The following SLX4IP variants were observed in gnomAD, a reference collection of about 807,000 sequenced individuals.
SLX4IP encodes the protein protein SLX4IP.
Under a neutral mutation model 32.9 loss-of-function variants are expected in SLX4IP, and 34 were observed. The observed-to-expected ratio is 1.03, with a 90% CI of 0.79 to 1.38. SLX4IP has a LOEUF of 1.38. Ranked by LOEUF, SLX4IP falls within the 40% of genes most tolerant of loss-of-function variation. SLX4IP has a pLI of 0.00. For missense variants in SLX4IP, 444 were observed against 479.0 expected (o/e 0.93, Z 0.68); for synonymous variants, 172 against 171.7 (o/e 1.00, Z -0.01).
intron 2 of SLX4IP, among the ~76,000 whole-genome samples, chr20:10,486,228 T>C (rs1167278641): frequency 1.3e-5 from 2 of 151,536 alleles, no homozygotes; most frequent in East Asian, 3.9e-4. Context: ...TAACACAGTC[T>C]TGCAAAAAAT....
Position 10,556,316 on chromosome 20 carries a change from AAG to A in SLX4IP, c.116_117del (p.Glu39GlyfsTer11). 1 of 1,612,894 alleles carries A rather than the reference AAG, an allele frequency of 6.2e-7. No homozygotes were observed. The highest frequency in any genetic ancestry group is 8.5e-7 in the Non-Finnish European group (1 of 1,179,672). Reference sequence around the variant, plus strand: ...ACAAGCTGGTTTTCTGAACAGAAGAAAGAGGTACAACAAAACTTTCTACTATT... The same window carrying A: ...ACAAGCTGGTTTTCTGAACAGAAGAAAGGTACAACAAAACTTTCTACTATT... On this transcript the variant is annotated frameshift_variant and splice_region_variant, in exon 3 of 8. Coordinates refer to ENST00000334534, the MANE Select transcript of SLX4IP (RefSeq NM_001009608.3). LOFTEE classifies it high-confidence loss of function.
At chr20:10,622,627 A>G in intron 7 of SLX4IP, 32 bp from the exon 8 acceptor site, 1 of 1,571,762 alleles carries the variant, frequency 6.4e-7, no homozygotes, top group Non-Finnish European at 8.6e-7. Flanking sequence ...TGACAGCTTT[A>G]CAAACCATAA....
intron 2 of SLX4IP, among the ~76,000 whole-genome samples, chr20:10,554,335 CTT>C (rs1477719167): frequency 6.6e-6 from 1 of 152,128 alleles, no homozygotes; most frequent in Admixed American, 6.5e-5. Flanking sequence ...AATTTGTTCT[CTT>C]GTTGTAGACT....
rs140940461 is a variant in SLX4IP, at chr20:10,614,102, G to C, written c.406-7212G>C. On this transcript the variant is annotated intron_variant, in intron 6 of 7. Transcript: ENST00000334534. ...CCACCCGGTCCAGGTGTACCTGCAG[G>C]GACACCTTGTGGTAGCCTCGTCGGA... 217 of 1,531,614 alleles carry C rather than the reference G, an allele frequency of 1.4e-4. 1 individual carries two copies. In the African/African-American group the frequency reaches 2.5e-3, roughly 18 times the overall value. 94.9% of individuals were successfully genotyped at this position (1,531,614 alleles called of 1,614,324 possible). A position where few individuals can be genotyped will look rare whatever the true frequency, so the allele number is the denominator to read the frequency against.
intron 2 of SLX4IP, among the ~76,000 whole-genome samples, chr20:10,549,942 A>G (rs1428235987): frequency 3.3e-5 from 5 of 152,226 alleles, no homozygotes; most frequent in Non-Finnish European, 7.3e-5. Flanking sequence ...GAAAATATTT[A>G]ATATGTTTTC....
intron 4 of SLX4IP, among the ~76,000 whole-genome samples, chr20:10,575,754 AT>A (rs543859133): frequency 0.028 from 4,120 of 145,552 alleles, 103 homozygotes; most frequent in Admixed American, 0.093. Flanking sequence ...GTTCCTTTTA[AT>A]TTTTTTTTTT....
intron 1 of SLX4IP, among the ~76,000 whole-genome samples, chr20:10,453,603 A>G (rs926898148): frequency 6.6e-6 from 1 of 152,154 alleles, no homozygotes; most frequent in African/African-American, 2.4e-5. Context: ...CCTGAAGTTT[A>G]AATCCAGTTT....
intron 2 of SLX4IP, among the ~76,000 whole-genome samples, chr20:10,470,328 A>G (rs1349652816): frequency 6.6e-6 from 1 of 152,220 alleles, no homozygotes; most frequent in Non-Finnish European, 1.5e-5. Context: ...TTCCATGGAA[A>G]TGACATTCCA....
At chr20:10,616,596 C>T (rs2067035535) in intron 6 of SLX4IP, among the ~76,000 whole-genome samples, 1 of 151,982 alleles carries the variant, frequency 6.6e-6, no homozygotes, top group Admixed American at 6.6e-5. Context: ...CTGGTTTACG[C>T]TCCAGTTTCT....
At chr20:10,610,094 T>C (rs1414395001) in intron 6 of SLX4IP, among the ~76,000 whole-genome samples, 1 of 152,176 alleles carries the variant, frequency 6.6e-6, no homozygotes, top group African/African-American at 2.4e-5. Flanking sequence ...GCACCAGAGA[T>C]TTGAGCATAG....
chr20:10,606,510 G>C (rs577093437), intron 6 of SLX4IP, among the ~76,000 whole-genome samples: 1 of 152,140 alleles, frequency 6.6e-6, no homozygotes, highest in Non-Finnish European at 1.5e-5. Context: ...GGTGAATTGC[G>C]TGGAAGATAT....
At chr20:10,525,064 C>T (rs557583340) in intron 2 of SLX4IP, among the ~76,000 whole-genome samples, 1 of 152,222 alleles carries the variant, frequency 6.6e-6, no homozygotes, top group South Asian at 2.1e-4. Flanking sequence ...AAGTTCCTAG[C>T]ACATTATTAA....
chr20:10,520,293 G>A (rs1160584201), intron 2 of SLX4IP, among the ~76,000 whole-genome samples: 3 of 151,814 alleles, frequency 2.0e-5, no homozygotes, highest in Admixed American at 6.6e-5. Context: ...CTCGTGATCC[G>A]CCCGCCTCAG....
At chr20:10,439,086 T>C (rs1014933805) in intron 1 of SLX4IP, among the ~76,000 whole-genome samples, 3 of 152,218 alleles carry the variant, frequency 2.0e-5, no homozygotes, top group Non-Finnish European at 2.9e-5. Flanking sequence ...CGGTATTCCA[T>C]TGTGTAGATA....
At chr20:10,597,055 T>C (rs953860485) in intron 4 of SLX4IP, among the ~76,000 whole-genome samples, 2 of 152,266 alleles carry the variant, frequency 1.3e-5, no homozygotes, top group African/African-American at 4.8e-5. Context: ...GAGCCATCGC[T>C]TGTTTAGACA....
intron 2 of SLX4IP, among the ~76,000 whole-genome samples, chr20:10,468,837 T>C (rs1165172469): frequency 2.0e-5 from 3 of 152,190 alleles, no homozygotes; most frequent in African/African-American, 7.2e-5. Flanking sequence ...TGAGGTGATA[T>C]ACATCTGCTT....
At chr20:10,553,042 C>T (rs1262915340) in intron 2 of SLX4IP, among the ~76,000 whole-genome samples, 3 of 152,032 alleles carry the variant, frequency 2.0e-5, no homozygotes, top group African/African-American at 7.2e-5. Flanking sequence ...CTTCAATGGG[C>T]CTGTGATTGA....
intron 2 of SLX4IP, among the ~76,000 whole-genome samples, chr20:10,463,881 A>G (rs189031761): frequency 3.3e-5 from 5 of 152,302 alleles, no homozygotes; most frequent in African/African-American, 1.2e-4. Flanking sequence ...TCCTAGGCTC[A>G]AGTGATCCTC....
rs750280611 is a variant in SLX4IP, at chr20:10,458,176, G to T, written c.-29G>T. Reference sequence around the variant, plus strand: ...ATTGTAACTTTTTTTTTTCTTAAAGGTCTGTAGTTACTGTGGAATCAATAA... The same window carrying T: ...ATTGTAACTTTTTTTTTTCTTAAAGTTCTGTAGTTACTGTGGAATCAATAA... On this transcript the variant is annotated splice_region_variant and 5_prime_UTR_variant, in exon 2 of 8. Coordinates refer to ENST00000334534, the MANE Select transcript of SLX4IP (RefSeq NM_001009608.3). 5.8e-6 allele frequency: 9 copies of T among 1,562,182 alleles called. No individual in the cohort carries two copies. In the South Asian group the frequency reaches 7.3e-5, roughly 13 times the overall value.
Sources: gnomAD v4.1 joint callset for allele counts (sites outside exome capture counted in the v4.1 genomes callset) on GRCh38, gnomAD v4.1.1 for gene constraint, MANE v1.5 for transcripts, NCBI Gene and HGNC (gene_info 2026-07-23, HGNC 2026-07-21) for gene names.